Variants in DPP6 observed in about 807,000 individuals in gnomAD.
DPP6 encodes A-type potassium channel modulatory protein DPP6.
In DPP6, 69 loss-of-function variants were observed where a neutral mutation model predicts 122.6. The ratio of observed to expected loss-of-function variants is 0.56; its 90% CI spans 0.46 to 0.69. The LOEUF is 0.69. Among genes scored for constraint, DPP6 ranks in the 30% least tolerant of loss-of-function variants. The pLI, the probability that DPP6 is intolerant of heterozygous loss-of-function variation, is 0.00. For missense variants in DPP6, 928 were observed against 1,116.9 expected, an observed-to-expected ratio of 0.83 and a Z score of 2.41; for synonymous variants, 418 against 433.1, an observed-to-expected ratio of 0.97 and a Z score of 0.43.
At chr7:154,106,972 A>C (rs1194265343) in intron 1 of DPP6, among the ~76,000 whole-genome samples, 2 of 152,170 alleles carry the variant, frequency 1.3e-5, no homozygotes, top group African/African-American at 4.8e-5. Flanking sequence ...GAACCCTCAC[A>C]CAGTGTTAGA....
At chr7:154,306,151 C>G (rs1050788510) in intron 1 of DPP6, among the ~76,000 whole-genome samples, 27 of 152,248 alleles carry the variant, frequency 1.8e-4, no homozygotes, top group Non-Finnish European at 3.2e-4. Flanking sequence ...AGGACTCGGC[C>G]GAGAAGGTGC....
intron 1 of DPP6, among the ~76,000 whole-genome samples, chr7:153,964,913 C>CTTT (rs1491387853): frequency 8.8e-6 from 1 of 113,366 alleles, no homozygotes; most frequent in East Asian, 2.4e-4. Flanking sequence ...CTTTTCTTTT[C>CTTT]CTTTCTTTCT....
At chr7:154,668,791 G>A (rs1838362145) in intron 6 of DPP6, among the ~76,000 whole-genome samples, 1 of 151,908 alleles carries the variant, frequency 6.6e-6, no homozygotes, top group Non-Finnish European at 1.5e-5. Flanking sequence ...TGGTGGTATT[G>A]GTATTTAATC....
chr7:154,443,039 C>T (rs1819521475), intron 1 of DPP6, among the ~76,000 whole-genome samples: 1 of 152,206 alleles, frequency 6.6e-6, no homozygotes, highest in African/African-American at 2.4e-5. Flanking sequence ...TCTGCACTCC[C>T]TGGCCCCTTA....
chr7:154,848,804 G>A (rs1246500597), intron 16 of DPP6, among the ~76,000 whole-genome samples: 1 of 151,552 alleles, frequency 6.6e-6, no homozygotes, highest in African/African-American at 2.4e-5. Flanking sequence ...GTCTTACACT[G>A]AAGTCTTTAA....
chr7:154,055,263 A>G (rs1355882809), intron 1 of DPP6, among the ~76,000 whole-genome samples: 3 of 138,062 alleles, frequency 2.2e-5, no homozygotes, highest in Non-Finnish European at 4.7e-5. Flanking sequence ...TTTAAATTGT[A>G]TAATTAAACT....
chr7:154,327,968 C>A (rs1212877288), intron 1 of DPP6, among the ~76,000 whole-genome samples: 1 of 152,170 alleles, frequency 6.6e-6, no homozygotes, highest in South Asian at 2.1e-4. Flanking sequence ...TAATTCCAGA[C>A]ACCTTAATGC....
the DPP6 span, among the ~76,000 whole-genome samples, chr7:153,804,957 T>C: frequency 4.6e-5 from 7 of 152,122 alleles, no homozygotes; most frequent in Non-Finnish European, 1.0e-4. Context: ...GACATTGTAC[T>C]GGGAAAAAAA....
At chr7:153,827,730 A>G in the DPP6 span, among the ~76,000 whole-genome samples, 1 of 152,124 alleles carries the variant, frequency 6.6e-6, no homozygotes, top group Non-Finnish European at 1.5e-5. Flanking sequence ...GAGCTTTGCC[A>G]GGCTGCAATG....
At chr7:153,834,680 A>G in the DPP6 span, among the ~76,000 whole-genome samples, 1 of 152,202 alleles carries the variant, frequency 6.6e-6, no homozygotes, top group East Asian at 1.9e-4. Context: ...TTTATAGTTG[A>G]GTAAACTGAA....
At chr7:154,062,548 T>A (rs1585284777) in intron 1 of DPP6, among the ~76,000 whole-genome samples, 1 of 13,802 alleles carries the variant, frequency 7.2e-5, no homozygotes, top group African/African-American at 4.1e-4. Flanking sequence ...CCCCTGGCTT[T>A]TGGTACCCCC....
At chr7:153,899,784 A>T (rs949663662) in intron 1 of DPP6, among the ~76,000 whole-genome samples, 4 of 152,188 alleles carry the variant, frequency 2.6e-5, no homozygotes, top group Non-Finnish European at 5.9e-5. Context: ...GTGAGTGTGA[A>T]TGTGTGTGCA....
At chr7:154,854,805 A>T (rs1022651002) in intron 17 of DPP6, among the ~76,000 whole-genome samples, 1 of 152,200 alleles carries the variant, frequency 6.6e-6, no homozygotes, top group African/African-American at 2.4e-5. Flanking sequence ...AGGCAGAGGC[A>T]CAGCACAGCT....
At chr7:154,590,697 G>A (rs1832761871) in intron 5 of DPP6, among the ~76,000 whole-genome samples, 2 of 150,220 alleles carry the variant, frequency 1.3e-5, no homozygotes. Context: ...ACCACACCCG[G>A]CTAATTTTGT....
intron 18 of DPP6, 52 bp from the exon 19 acceptor site, chr7:154,872,572 C>T (rs988042929): frequency 3.9e-6 from 6 of 1,556,604 alleles, no homozygotes; most frequent in Non-Finnish European, 4.3e-6. Context: ...ATGCCCGATA[C>T]CCCGTGGCCA....
At chr7:153,817,717 G>A in the DPP6 span, among the ~76,000 whole-genome samples, 1 of 134,688 alleles carries the variant, frequency 7.4e-6, no homozygotes, top group African/African-American at 2.8e-5. Flanking sequence ...ATTGAACAAT[G>A]AGAACACTTG....
chr7:154,594,901 C>T (rs899630530), intron 5 of DPP6, among the ~76,000 whole-genome samples: 1 of 152,082 alleles, frequency 6.6e-6, no homozygotes, highest in African/African-American at 2.4e-5. Context: ...CAATGCCGGG[C>T]GGATTGTTCT....
chr7:154,121,732 T>C (rs137856923), intron 1 of DPP6, among the ~76,000 whole-genome samples: 2,305 of 152,266 alleles, frequency 0.015, 66 homozygotes, highest in African/African-American at 0.052. Context: ...TCAGGTGCAC[T>C]GGGGGGACAT....
At chr7:153,900,557 C>T (rs1186432983) in intron 1 of DPP6, among the ~76,000 whole-genome samples, 1 of 152,046 alleles carries the variant, frequency 6.6e-6, no homozygotes, top group East Asian at 1.9e-4. Flanking sequence ...AAGGAGGTGC[C>T]AAGCTCTTTT....
Sources: allele counts gnomAD v4.1 joint callset (sites outside exome capture counted in the v4.1 genomes callset), GRCh38; gene constraint gnomAD v4.1.1; transcripts MANE v1.5; gene names NCBI Gene and HGNC (gene_info 2026-07-23, HGNC 2026-07-21).